Variants in STAB2 observed in about 807,000 individuals in gnomAD.
The protein encoded by STAB2 is stabilin 2.
In STAB2, 288 loss-of-function variants were observed where a neutral mutation model predicts 338.1. The ratio of observed to expected loss-of-function variants is 0.85; its 90% CI spans 0.77 to 0.94. The LOEUF (loss-of-function observed/expected upper bound fraction) is 0.94. Ranked by LOEUF, STAB2 falls within the 40% of genes least tolerant of loss-of-function variation. The pLI is 0.00. For missense variants in STAB2, 3,141 were observed against 3,210.1 expected, an observed-to-expected ratio of 0.98 and a Z score of 0.52; for synonymous variants, 1,202 against 1,193.3, an observed-to-expected ratio of 1.01 and a Z score of -0.15.
chr12:103,611,324 A>G (rs1429395864), intron 3 of STAB2, among the ~76,000 whole-genome samples: 1 of 152,154 alleles, frequency 6.6e-6, no homozygotes, highest in Non-Finnish European at 1.5e-5. Context: ...TGGGAGTCTG[A>G]GTCTCTTTGT....
chr12:103,706,893 G>C lies in STAB2; in HGVS notation c.4098G>C (p.Val1366=), dbSNP rs376948582. The C allele has an allele frequency of 6.2e-7, 1 of 1,614,136 alleles. No individual in the cohort carries two copies. ...GTAATGGCATCTGTTTGGATGGAGT[G>C]AATGGCACAGGTGTGTGTGAGTGTG... ...CFGNGICLDG[V]NGTGVCECGE... The change falls in exon 38 of 69, where the codon GTG becomes GTC. Residue 1366 remains valine (V), a synonymous_variant. Transcript: ENST00000388887.
chr12:103,726,225 A>C, intron 46 of STAB2, 62 bp downstream of exon 46: 21 of 1,567,414 alleles, frequency 1.3e-5, no homozygotes, highest in Non-Finnish European at 1.8e-5. Flanking sequence ...GCAGTGGCTC[A>C]CACCTGTAAT....
chr12:103,606,631 A>G (rs11111675), intron 3 of STAB2, among the ~76,000 whole-genome samples: 1,722 of 152,146 alleles, frequency 0.011, 29 homozygotes, highest in African/African-American at 0.039. Flanking sequence ...TAAGTTGACA[A>G]TTTTTTTGGT....
chr12:103,742,588 T>C, intron 56 of STAB2, 34 bp downstream of exon 56: 4 of 1,612,972 alleles, frequency 2.5e-6, no homozygotes, highest in Non-Finnish European at 3.4e-6. Context: ...CTAGAGCTTG[T>C]TTTTTGACTG....
chr12:103,587,621 G>GT, intron 1 of STAB2, 64 bp downstream of exon 1: 1 of 1,364,930 alleles, frequency 7.3e-7, no homozygotes, highest in South Asian at 1.2e-5. Flanking sequence ...AAAGCTTGTC[G>GT]TTTTCCTCTG....
chr12:103,724,656 A>G (rs1881038495), intron 44 of STAB2, among the ~76,000 whole-genome samples: 1 of 152,190 alleles, frequency 6.6e-6, no homozygotes, highest in African/African-American at 2.4e-5. Context: ...GCTGGGAAGT[A>G]TCAAACAGGT....
At chr12:103,693,396 C>T (rs982152320) in intron 31 of STAB2, among the ~76,000 whole-genome samples, 1 of 151,950 alleles carries the variant, frequency 6.6e-6, no homozygotes, top group Non-Finnish European at 1.5e-5. Flanking sequence ...GTGTTCAAGC[C>T]ACTGCACTCC....
intron 5 of STAB2, among the ~76,000 whole-genome samples, chr12:103,624,931 A>G: frequency 9.9e-6 from 1 of 101,028 alleles, no homozygotes; most frequent in East Asian, 2.6e-4. Flanking sequence ...ACAGAGCAAG[A>G]CTCCATCTCA....
At chr12:103,705,909 A>G (rs1435613216) in intron 37 of STAB2, among the ~76,000 whole-genome samples, 182 bp downstream of exon 37, 1 of 152,208 alleles carries the variant, frequency 6.6e-6, no homozygotes, top group African/African-American at 2.4e-5. Context: ...CAGCTCTGTA[A>G]TCCAGAAAAT....
At chr12:103,766,259 G>A in intron 68 of STAB2, 27 bp from the exon 69 acceptor site, 1 of 1,613,936 alleles carries the variant, frequency 6.2e-7, no homozygotes, top group South Asian at 1.1e-5. Context: ...AGAATGCCCT[G>A]CCCCCTTACA....
At chr12:103,727,178 C>T in intron 46 of STAB2, 89 bp from the exon 47 acceptor site, 1 of 1,366,956 alleles carries the variant, frequency 7.3e-7, no homozygotes, top group African/African-American at 1.4e-5. Flanking sequence ...TTGCTTCACC[C>T]AGGTGCCATC....
chr12:103,728,317 C>T (rs1351821843), intron 47 of STAB2, among the ~76,000 whole-genome samples: 10 of 151,860 alleles, frequency 6.6e-5, no homozygotes, highest in Admixed American at 6.6e-4. Context: ...ACCATGTGGG[C>T]CAGGCTGGTC....
chr12:103,710,705 C>T (rs2138998784), intron 39 of STAB2, among the ~76,000 whole-genome samples: 1 of 152,324 alleles, frequency 6.6e-6, no homozygotes, highest in South Asian at 2.1e-4. Context: ...TCCATTCCAG[C>T]CCATTTGAGT....
At chr12:103,733,285 C>G in intron 51 of STAB2, 103 bp downstream of exon 51, 21 of 1,365,598 alleles carry the variant, frequency 1.5e-5, no homozygotes, top group Non-Finnish European at 2.2e-5. Flanking sequence ...GTGTCCCTGT[C>G]ACCACTGTAT....
chr12:103,761,541 A>AG, intron 66 of STAB2, 131 bp downstream of exon 66: 1 of 766,052 alleles, frequency 1.3e-6, no homozygotes, highest in South Asian at 1.8e-5. Flanking sequence ...CCAGCCTCCA[A>AG]CCTCCAAGGT....
intron 3 of STAB2, among the ~76,000 whole-genome samples, chr12:103,598,610 A>G (rs1956911079): frequency 6.6e-6 from 1 of 152,230 alleles, no homozygotes; most frequent in Non-Finnish European, 1.5e-5. Context: ...ATAGAAGATG[A>G]TATGAAAAGC....
chr12:103,619,959 G>C (rs1247208286), intron 3 of STAB2, among the ~76,000 whole-genome samples: 1 of 152,050 alleles, frequency 6.6e-6, no homozygotes, highest in Non-Finnish European at 1.5e-5. Context: ...TCCTCCTCAG[G>C]GATGTCTCTC....
intron 65 of STAB2, 65 bp downstream of exon 65, chr12:103,759,338 G>A (rs902416004): frequency 1.1e-5 from 17 of 1,587,040 alleles, no homozygotes; most frequent in Non-Finnish European, 1.3e-5. Flanking sequence ...CTGGCATACA[G>A]TAGGTGCTTA....
rs984869070 is a variant in STAB2, at chr12:103,638,076, C to A, written c.770C>A (p.Pro257Gln). The change falls in exon 8 of 69, where the codon CCA (proline) becomes CAA (glutamine). Residue 257 changes from proline (P) to glutamine (Q), a missense_variant. Pro to Gln is a moderately conservative substitution (Grantham distance 76). Transcript: ENST00000388887. Reference protein sequence around the residue: ...HPHAHCTYLGPNRHSCTCQEG... With the variant: ...HPHAHCTYLGQNRHSCTCQEG... ...CATGCTCATTGTACGTACCTGGGAC[C>A]AAATCGGCACAGTTGTACATGCCAA... 2 of 1,614,114 alleles carry A rather than the reference C, an allele frequency of 1.2e-6. No homozygotes were observed. Among genetic ancestry groups the A allele is most frequent in the African/African-American group, 1.3e-5 (1 of 74,998 alleles).
Sources: gnomAD v4.1 joint callset for allele counts (sites outside exome capture counted in the v4.1 genomes callset) on GRCh38, gnomAD v4.1.1 for gene constraint, MANE v1.5 for transcripts, NCBI Gene and HGNC (gene_info 2026-07-23, HGNC 2026-07-21) for gene names.